The following ARID1B variants were observed in gnomAD, a reference collection of about 807,000 sequenced individuals.
ARID1B encodes AT-rich interactive domain-containing protein 1B.
ARID1B carries 30 observed loss-of-function variants against 212.3 expected under a neutral mutation model. The observed-to-expected ratio is 0.14, with a 90% CI of 0.11 to 0.19. ARID1B has a LOEUF of 0.19. Ranked by LOEUF, ARID1B falls within the 10% of genes least tolerant of loss-of-function variation. The pLI, the probability that ARID1B is intolerant of heterozygous loss-of-function variation, is 1.00. For synonymous variants in ARID1B, 1,402 were observed against 1,301.7 expected, an observed-to-expected ratio of 1.08 and a Z score of -1.66; for missense variants, 2,891 against 3,204.0, an observed-to-expected ratio of 0.90 and a Z score of 2.36.
chr6:157,195,683 G>C (rs953881702), intron 15 of ARID1B: 1 of 157,984 alleles, frequency 6.3e-6, no homozygotes, highest in African/African-American at 2.4e-5. Flanking sequence ...GATCTTCGGG[G>C]CCATCTTAGA....
chr6:157,124,977 G>A (rs1788039983), intron 6 of ARID1B, among the ~76,000 whole-genome samples: 1 of 152,154 alleles, frequency 6.6e-6, no homozygotes, highest in Admixed American at 6.5e-5. Flanking sequence ...TTTGCTGAGT[G>A]ACTGGATGTG....
intron 4 of ARID1B, chr6:157,024,075 A>G (rs2128481924): frequency 6.6e-6 from 1 of 152,362 alleles, no homozygotes; most frequent in Admixed American, 6.5e-5. Context: ...CTGTGCAGAG[A>G]TGTTACTTAA....
intron 2 of ARID1B, among the ~76,000 whole-genome samples, chr6:156,847,825 T>G (rs530177736): frequency 1.1e-4 from 16 of 152,320 alleles, no homozygotes; most frequent in African/African-American, 3.9e-4. Flanking sequence ...TAGACCCGGC[T>G]CTCTGCAGAT....
intron 3 of ARID1B, among the ~76,000 whole-genome samples, chr6:156,915,157 G>A (rs922808624): frequency 6.6e-6 from 1 of 152,158 alleles, no homozygotes; most frequent in Non-Finnish European, 1.5e-5. Context: ...ATTTCTTTTG[G>A]AATTGCAGAT....
intron 11 of ARID1B, among the ~76,000 whole-genome samples, chr6:157,179,968 A>G (rs1171319297): frequency 6.6e-6 from 1 of 152,254 alleles, no homozygotes. Context: ...ATTTCTCTAT[A>G]TTGCAAATAA....
chr6:157,021,800 C>A (rs1247942400), intron 4 of ARID1B, among the ~76,000 whole-genome samples: 1 of 152,078 alleles, frequency 6.6e-6, no homozygotes, highest in Admixed American at 6.5e-5. Context: ...AAAGTTTCTG[C>A]TGACACAGCT....
At chr6:156,786,345 T>C (rs1779628737) in intron 1 of ARID1B, among the ~76,000 whole-genome samples, 1 of 152,180 alleles carries the variant, frequency 6.6e-6, no homozygotes, top group Non-Finnish European at 1.5e-5. Flanking sequence ...TACTTTTTAG[T>C]CCTCTGCAAA....
chr6:157,045,293 G>C (rs374360419), intron 4 of ARID1B, among the ~76,000 whole-genome samples: 1 of 152,160 alleles, frequency 6.6e-6, no homozygotes, highest in Non-Finnish European at 1.5e-5. Context: ...TTTGGATTTA[G>C]AGTGTTTAGT....
intron 17 of ARID1B, among the ~76,000 whole-genome samples, chr6:157,199,758 G>A (rs1343455354): frequency 6.6e-6 from 1 of 151,734 alleles, no homozygotes; most frequent in Non-Finnish European, 1.5e-5. Context: ...CTGCCTCCTG[G>A]GCTCAAGCGA....
At chr6:157,024,215 T>A (rs1780509254) in intron 4 of ARID1B, 1 of 152,260 alleles carries the variant, frequency 6.6e-6, no homozygotes, top group South Asian at 2.1e-4. Context: ...TTTAACTCTT[T>A]CAGGAACTGG....
chr6:156,812,217 A>C (rs1781601430), intron 1 of ARID1B, among the ~76,000 whole-genome samples: 1 of 152,106 alleles, frequency 6.6e-6, no homozygotes, highest in Non-Finnish European at 1.5e-5. Flanking sequence ...TTGCAGCCTC[A>C]ACCTCCCAGG....
chr6:156,969,425 T>C (rs1419110794), intron 4 of ARID1B, among the ~76,000 whole-genome samples: 1 of 152,148 alleles, frequency 6.6e-6, no homozygotes, highest in Non-Finnish European at 1.5e-5. Flanking sequence ...CTGGTATCTG[T>C]CTTAAGACAA....
intron 4 of ARID1B, among the ~76,000 whole-genome samples, chr6:156,951,249 T>C (rs1793561737): frequency 6.6e-6 from 1 of 152,190 alleles, no homozygotes; most frequent in South Asian, 2.1e-4. Flanking sequence ...GTAAAACGTT[T>C]GTATAAACAA....
At chr6:157,088,425 G>A (rs2128470149) in intron 5 of ARID1B, among the ~76,000 whole-genome samples, 1 of 152,280 alleles carries the variant, frequency 6.6e-6, no homozygotes, top group East Asian at 1.9e-4. Flanking sequence ...TTTACTCAAA[G>A]CTCATGACAG....
chr6:156,901,293 A>AT, intron 2 of ARID1B, 83 bp from the exon 3 acceptor site: 15 of 1,516,742 alleles, frequency 9.9e-6, no homozygotes, highest in African/African-American at 1.4e-5. Flanking sequence ...AACCCCCTTC[A>AT]TGTTGCTGAA....
At chr6:156,781,776 G>T (rs780465663) in intron 1 of ARID1B, among the ~76,000 whole-genome samples, 1 of 151,944 alleles carries the variant, frequency 6.6e-6, no homozygotes, top group African/African-American at 2.4e-5. Flanking sequence ...TTTTAAAAAG[G>T]TTTGCTTTGT....
At chr6:157,064,597 A>G (rs981700715) in intron 4 of ARID1B, among the ~76,000 whole-genome samples, 6 of 152,208 alleles carry the variant, frequency 3.9e-5, no homozygotes, top group African/African-American at 1.4e-4. Context: ...TGGAGAACGC[A>G]CAACCCTGGC....
intron 4 of ARID1B, among the ~76,000 whole-genome samples, chr6:156,979,860 C>T (rs1157288059): frequency 6.6e-6 from 1 of 151,832 alleles, no homozygotes; most frequent in East Asian, 1.9e-4. Context: ...CTGGCCTGTT[C>T]CTTCCTTTTT....
intron 1 of ARID1B, among the ~76,000 whole-genome samples, chr6:156,801,348 C>T (rs368301318): frequency 2.6e-5 from 4 of 151,682 alleles, no homozygotes; most frequent in Non-Finnish European, 5.9e-5. Context: ...TATAGGTGCC[C>T]GCCACCAGGT....
Sources: gnomAD v4.1 joint callset for allele counts (sites outside exome capture counted in the v4.1 genomes callset) on GRCh38, gnomAD v4.1.1 for gene constraint, MANE v1.5 for transcripts, NCBI Gene and HGNC (gene_info 2026-07-23, HGNC 2026-07-21) for gene names.